KIAA1210: variants seen among roughly 807,000 people sequenced by gnomAD.
The protein encoded by KIAA1210 is KIAA1210, also known as acrosomal protein KIAA1210.
Under a neutral mutation model 78.9 loss-of-function variants are expected in KIAA1210, and 48 were observed. The ratio of observed to expected loss-of-function variants is 0.61; its 90% CI spans 0.48 to 0.77. The LOEUF is 0.77. Ranked by LOEUF, KIAA1210 falls within the 30% of genes least tolerant of loss-of-function variation. KIAA1210 has a pLI of 0.00. For synonymous variants in KIAA1210, 406 were observed against 404.5 expected, an observed-to-expected ratio of 1.00 and a Z score of -0.04; for missense variants, 1,108 against 1,100.0, an observed-to-expected ratio of 1.01 and a Z score of -0.10.
In KIAA1210 at chrX:119,079,271, C is replaced by G. The variant is rs957628151; in HGVS notation, c.*2058G>C. 6.3e-5 allele frequency: 7 copies of G among 111,644 alleles called. No homozygotes were observed. The highest frequency in any genetic ancestry group is 2.3e-4 in the African/African-American group (7 of 30,651). The allele number at this position is 111,644 out of a possible 1,213,427, so 9.2% of individuals were successfully genotyped here. A position where few individuals can be genotyped will look rare whatever the true frequency, so the allele number is the denominator to read the frequency against. On this transcript the variant is annotated 3_prime_UTR_variant, in exon 12 of 12. Coordinates refer to ENST00000691062, the MANE Select transcript of KIAA1210 (RefSeq NM_001394962.1). ...AGAATATAAAGGCACAGTCAGATGTCCAGGCCTGCATTTCTGTTTAAGCAA... is the reference window on the plus strand; with the variant it reads ...AGAATATAAAGGCACAGTCAGATGTGCAGGCCTGCATTTCTGTTTAAGCAA...
chrX:119,081,243 G>A lies in KIAA1210; in HGVS notation c.*86C>T. The A allele has an allele frequency of 1.2e-6, 1 of 833,991 alleles. No homozygotes were observed. Among genetic ancestry groups the A allele is most frequent in the Non-Finnish European group, 1.6e-6 (1 of 622,979 alleles). The allele number at this position is 833,991 out of a possible 1,213,427, so 68.7% of individuals were successfully genotyped here. On this transcript the variant is annotated 3_prime_UTR_variant, in exon 12 of 12. Transcript: ENST00000691062. Reference sequence around the variant, plus strand: ...GATCGCGCCACTGCACTCCAATCTGGGTAACAGAGCGAGACTCTGTCTCAA... The same window carrying A: ...GATCGCGCCACTGCACTCCAATCTGAGTAACAGAGCGAGACTCTGTCTCAA...
At chrX:119,138,613 C>A (rs2147198343) in intron 2 of KIAA1210, among the ~76,000 whole-genome samples, 1 of 111,618 alleles carries the variant, frequency 9.0e-6, no homozygotes, top group African/African-American at 3.3e-5. Flanking sequence ...AGATGAGTTA[C>A]AGATGAGGAC....
chrX:119,110,586 TA>T (rs1298857380), intron 3 of KIAA1210, among the ~76,000 whole-genome samples: 1 of 111,859 alleles, frequency 8.9e-6, no homozygotes, highest in East Asian at 2.8e-4. Flanking sequence ...ATGAATACGC[TA>T]AAAATGACTA....
intron 2 of KIAA1210, among the ~76,000 whole-genome samples, chrX:119,118,516 T>A (rs1190152031): frequency 8.9e-6 from 1 of 112,440 alleles, no homozygotes. Flanking sequence ...AACAATATTA[T>A]CTCCCAATGT....
intron 5 of KIAA1210, among the ~76,000 whole-genome samples, 167 bp downstream of exon 5, chrX:119,108,170 G>T (rs374512851): frequency 9.0e-6 from 1 of 111,616 alleles, no homozygotes; most frequent in East Asian, 2.8e-4. Flanking sequence ...AACCCTTTGA[G>T]GTAGATGTTA....
At position 119,088,174 on chromosome X, in the gene KIAA1210, G is replaced by C; in HGVS notation, c.2528C>G (p.Pro843Arg). ...TGTCAAGGACTGAGGAGAATATCTG[G>C]GGAGTAGTGGCTCCACAGAAATGAC... Reference protein sequence around the residue: ...ERVISVEPLLPRYSPQSLTDP... With the variant: ...ERVISVEPLLRRYSPQSLTDP... The change falls in exon 9 of 12, where the codon CCC (proline) becomes CGC (arginine). Residue 843 changes from proline (P) to arginine (R), a missense_variant. Physicochemically the swap from Pro to Arg is moderately radical, Grantham distance 103. Around this residue, in one of 5 missense-constraint regions of KIAA1210, gnomAD observed 672 missense variants for 607.1 expected, o/e 1.11. Coordinates refer to ENST00000691062, the MANE Select transcript of KIAA1210 (RefSeq NM_001394962.1). 2 of 1,210,569 alleles carry C rather than the reference G, an allele frequency of 1.7e-6. No individual in the cohort carries two copies. The highest frequency in any genetic ancestry group is 2.2e-6 in the Non-Finnish European group (2 of 894,470).
intron 7 of KIAA1210, 24 bp from the exon 8 acceptor site, chrX:119,093,799 T>G (rs778251381): frequency 3.5e-6 from 4 of 1,143,870 alleles, no homozygotes; most frequent in South Asian, 3.9e-5. Context: ...AGAAAGAGCT[T>G]GAATCCTACT....
chrX:119,089,757 C>A lies in KIAA1210; in HGVS notation c.956-11G>T. 1 of 1,178,726 alleles carries A rather than the reference C, an allele frequency of 8.5e-7. No individual in the cohort carries two copies. Among genetic ancestry groups the A allele is most frequent in the Non-Finnish European group, 1.1e-6 (1 of 879,293 alleles). ...TCTGGCTTGAGGAATCTGCACCAAA[C>A]AGAAATAAGGAAAGGAGAAATATGT... On this transcript the variant is annotated splice_polypyrimidine_tract_variant and intron_variant, in intron 8 of 11. Transcript: ENST00000691062.
chrX:119,117,569 CT>C (rs754223193), intron 2 of KIAA1210, among the ~76,000 whole-genome samples: 306 of 91,776 alleles, frequency 3.3e-3, no homozygotes, highest in Non-Finnish European at 3.8e-3. Flanking sequence ...TTGGGCTTTA[CT>C]TTTTTTTTTT....
intron 6 of KIAA1210, among the ~76,000 whole-genome samples, chrX:119,096,902 A>C (rs1479807936): frequency 1.8e-5 from 2 of 112,324 alleles, no homozygotes; most frequent in Admixed American, 1.9e-4. Context: ...AGAAACAGGA[A>C]GAAGTTTGGG....
chrX:119,089,522 C>G lies in KIAA1210; in HGVS notation c.1180G>C (p.Ala394Pro). 8.3e-7 allele frequency: 1 copy of G among 1,211,462 alleles called. No individual in the cohort carries two copies. Among genetic ancestry groups the G allele is most frequent in the Non-Finnish European group, 1.1e-6 (1 of 895,351 alleles). ...SSEGYGLGDR[A>P]GSSPTNKTAR... is the part of the protein sequence containing the mutation. ...GTCTTATTGGTAGGTGAAGACCCAG[C>G]TCTATCGCCCAGGCCATACCCTTCA... Residue 394 changes from alanine to proline, a missense_variant, in exon 9 of 12, where the codon GCT becomes CCT. Transcript: ENST00000691062.
intron 8 of KIAA1210, among the ~76,000 whole-genome samples, chrX:119,093,088 C>G (rs1927437280): frequency 8.9e-6 from 1 of 112,009 alleles, no homozygotes; most frequent in Non-Finnish European, 1.9e-5. Context: ...GATTTTCACT[C>G]TGGTGATATT....
At chrX:119,092,402 G>A (rs1268182488) in intron 8 of KIAA1210, among the ~76,000 whole-genome samples, 2 of 111,900 alleles carry the variant, frequency 1.8e-5, no homozygotes, top group African/African-American at 3.3e-5. Context: ...ATCAACTAAA[G>A]TATCTGCCAC....
intron 1 of KIAA1210, among the ~76,000 whole-genome samples, chrX:119,149,755 T>A (rs1397752444): frequency 8.9e-6 from 1 of 111,952 alleles, no homozygotes; most frequent in Non-Finnish European, 1.9e-5. Flanking sequence ...ATCAAGTAAC[T>A]GGGAGACTGC....
At chrX:119,119,334 G>A (rs965764884) in intron 2 of KIAA1210, among the ~76,000 whole-genome samples, 2 of 112,160 alleles carry the variant, frequency 1.8e-5, no homozygotes, top group Non-Finnish European at 3.8e-5. Context: ...TTATAGAACT[G>A]TTTGCTTGAT....
chrX:119,114,362 C>A (rs1928184832), intron 3 of KIAA1210, among the ~76,000 whole-genome samples: 1 of 112,086 alleles, frequency 8.9e-6, no homozygotes, highest in Admixed American at 9.5e-5. Flanking sequence ...ACTCTGCTAT[C>A]CAGGTGGCCC....
intron 2 of KIAA1210, among the ~76,000 whole-genome samples, chrX:119,118,638 G>A (rs1466962180): frequency 1.8e-5 from 2 of 111,908 alleles, no homozygotes; most frequent in Non-Finnish European, 3.8e-5. Flanking sequence ...AGCCTGCCAG[G>A]GTAAAGGTTC....
intron 3 of KIAA1210, among the ~76,000 whole-genome samples, chrX:119,112,904 G>A (rs1928126877): frequency 8.9e-6 from 1 of 112,037 alleles, no homozygotes; most frequent in Non-Finnish European, 1.9e-5. Context: ...AATGTTCACA[G>A]CAGTATTATT....
rs989093279 is a variant in KIAA1210, at chrX:119,081,183, C to T, written c.*146G>A. The stretch of plus-strand genomic sequence containing the variant: ...TCGGGAGACTGAGGCGGGAGAGTGG[C>T]GTGAACCCGGGAGGCGGAGCTTGCA... On this transcript the variant is annotated 3_prime_UTR_variant, in exon 12 of 12. Transcript: ENST00000691062. 4 of 386,893 alleles carry T rather than the reference C, an allele frequency of 1.0e-5. No homozygotes were observed. Among genetic ancestry groups the T allele is most frequent in the Non-Finnish European group, 1.6e-5 (4 of 249,980 alleles). The allele number at this position is 386,893 out of a possible 1,213,427, so 31.9% of individuals were successfully genotyped here.
Sources: allele counts gnomAD v4.1 joint callset (sites outside exome capture counted in the v4.1 genomes callset), GRCh38; gene constraint gnomAD v4.1.1; regional missense constraint gnomAD v4.1.1; transcripts MANE v1.5; gene names NCBI Gene and HGNC (gene_info 2026-07-23, HGNC 2026-07-21).